The following JAZF1 variants were observed in gnomAD, a reference collection of about 807,000 sequenced individuals.
JAZF1 encodes the protein JAZF zinc finger 1, also known as juxtaposed with another zinc finger protein 1.
Under a neutral mutation model 26.4 loss-of-function variants are expected in JAZF1, and 8 were observed. The observed-to-expected ratio is 0.30, with a 90% CI of 0.18 to 0.55. The LOEUF is 0.55. JAZF1 is among the 20% of genes least tolerant of loss of function. The pLI, the probability that JAZF1 is intolerant of heterozygous loss-of-function variation, is 0.94. For missense variants in JAZF1, 199 were observed against 322.0 expected (o/e 0.62, Z 2.92); for synonymous variants, 126 against 122.3 (o/e 1.03, Z -0.20).
intron 3 of JAZF1, among the ~76,000 whole-genome samples, chr7:27,858,646 A>G (rs1402115999): frequency 1.3e-5 from 2 of 152,246 alleles, no homozygotes; most frequent in Non-Finnish European, 2.9e-5. Flanking sequence ...TTCCCTATTT[A>G]ATAAATGCTG....
intron 1 of JAZF1, among the ~76,000 whole-genome samples, chr7:28,154,526 T>A (rs1055421330): frequency 5.3e-5 from 8 of 152,144 alleles, no homozygotes; most frequent in African/African-American, 1.9e-4. Flanking sequence ...ATCAACCAAC[T>A]AACTAACCAA....
intron 2 of JAZF1, among the ~76,000 whole-genome samples, chr7:27,937,646 A>G (rs1470467453): frequency 6.6e-6 from 1 of 152,252 alleles, no homozygotes; most frequent in African/African-American, 2.4e-5. Flanking sequence ...AAATTAAGCA[A>G]TCAGTGTTCC....
intron 3 of JAZF1, among the ~76,000 whole-genome samples, chr7:27,858,946 T>A (rs563365375): frequency 1.3e-5 from 2 of 152,114 alleles, no homozygotes; most frequent in African/African-American, 2.4e-5. Flanking sequence ...ACAGGAAACC[T>A]ACAGAATGGG....
chr7:27,928,677 T>C (rs1036138336), intron 2 of JAZF1, among the ~76,000 whole-genome samples: 1 of 152,206 alleles, frequency 6.6e-6, no homozygotes, highest in African/African-American at 2.4e-5. Context: ...TTCAGCAAAG[T>C]AACGCATGAA....
rs139260114 is a variant in JAZF1, at chr7:27,946,202, T to C, written c.188+45707A>G. Among the ~76,000 whole-genome samples the C allele has an allele frequency of 1.8e-4, 27 of 152,330 alleles. No homozygotes were observed. In the East Asian group the frequency reaches 4.8e-3, roughly 27 times the overall value. On this transcript the variant is annotated intron_variant, in intron 2 of 4. Coordinates refer to ENST00000283928, the MANE Select transcript of JAZF1 (RefSeq NM_175061.4). ...AACTTATGATGGGTTTATCAGGACA[T>C]AACTTCATTATAAATCCAGGAACAT...
Position 28,073,085 on chromosome 7 carries a change from G to A in JAZF1, c.116-81104C>T, listed in dbSNP as rs150702549. ...TAGGTGTTAGCAGTGGGCAATGTGT[G>A]ACCCACAATCTTCCTTTCCCACAAA... On this transcript the variant is annotated intron_variant, in intron 1 of 4. Coordinates refer to ENST00000283928, the MANE Select transcript of JAZF1 (RefSeq NM_175061.4). Among the ~76,000 whole-genome samples the A allele has an allele frequency of 4.9e-4, 74 of 152,272 alleles. No individual in the cohort carries two copies. In the East Asian group the frequency reaches 0.012, roughly 24 times the overall value.
chr7:27,898,946 C>T (rs746566706), intron 2 of JAZF1, among the ~76,000 whole-genome samples: 1 of 152,068 alleles, frequency 6.6e-6, no homozygotes, highest in Non-Finnish European at 1.5e-5. Context: ...GACAACCATA[C>T]ACACACACAC....
rs540011720 is a variant in JAZF1, at chr7:27,840,630, G to C, written c.555+68C>G. On this transcript the variant is annotated intron_variant, in intron 4 of 4. Transcript: ENST00000283928. This position sits in a 1 kb window ranked among gnomAD's most constrained non-coding sequence, Gnocchi z 5.1. Reference sequence around the variant, plus strand: ...ACGCTCGCTTTAAAATCAAGAAAGGGCTGCTGCCTTCCATGAAGCTTGCCC... The same window carrying C: ...ACGCTCGCTTTAAAATCAAGAAAGGCCTGCTGCCTTCCATGAAGCTTGCCC... 1 of 1,509,210 alleles carries C rather than the reference G, an allele frequency of 6.6e-7. No individual in the cohort carries two copies. Among genetic ancestry groups the C allele is most frequent in the Non-Finnish European group, 9.1e-7 (1 of 1,096,810 alleles). 93.5% of individuals were successfully genotyped at this position (1,509,210 alleles called of 1,614,324 possible).
chr7:27,856,915 T>C (rs1340610247), intron 3 of JAZF1, among the ~76,000 whole-genome samples: 1 of 152,226 alleles, frequency 6.6e-6, no homozygotes, highest in African/African-American at 2.4e-5. Context: ...AAGTGCTGAC[T>C]GGTGTATTTA....
At chr7:27,964,265 T>G (rs1015861274) in intron 2 of JAZF1, among the ~76,000 whole-genome samples, 10 of 151,688 alleles carry the variant, frequency 6.6e-5, no homozygotes, top group Non-Finnish European at 1.0e-4. Flanking sequence ...AAAGATCCAT[T>G]AGGTGGATCT....
intron 1 of JAZF1, among the ~76,000 whole-genome samples, chr7:28,037,812 C>T (rs1783319528): frequency 6.6e-6 from 1 of 152,168 alleles, no homozygotes; most frequent in South Asian, 2.1e-4. Flanking sequence ...AGGACACCCC[C>T]AGCAACAAGG....
intron 1 of JAZF1, among the ~76,000 whole-genome samples, chr7:28,052,369 G>T (rs938071265): frequency 6.6e-6 from 1 of 152,118 alleles, no homozygotes; most frequent in Non-Finnish European, 1.5e-5. Context: ...CATTTTATTT[G>T]AGTTTCTGGA....
intron 2 of JAZF1, among the ~76,000 whole-genome samples, chr7:27,924,996 T>C (rs1284768048): frequency 6.6e-6 from 1 of 152,240 alleles, no homozygotes; most frequent in Non-Finnish European, 1.5e-5. Flanking sequence ...AAAATAGGGT[T>C]ATTCCCTTTA....
chr7:27,862,264 G>GT (rs1435912598), intron 3 of JAZF1, among the ~76,000 whole-genome samples: 1 of 152,018 alleles, frequency 6.6e-6, no homozygotes, highest in Non-Finnish European at 1.5e-5. Flanking sequence ...TTTGTATATT[G>GT]TGTGATGCTG....
chr7:28,086,094 A>G (rs1175721777), intron 1 of JAZF1, among the ~76,000 whole-genome samples: 2 of 152,106 alleles, frequency 1.3e-5, no homozygotes, highest in Non-Finnish European at 2.9e-5. Context: ...AGAATATTCC[A>G]CTCCTAAATT....
chr7:27,992,608 T>C (rs1785927129), intron 1 of JAZF1, among the ~76,000 whole-genome samples: 1 of 152,184 alleles, frequency 6.6e-6, no homozygotes, highest in Non-Finnish European at 1.5e-5. Flanking sequence ...ATAGCAACGC[T>C]TTATAATGGT....
At position 27,832,051 on chromosome 7, in the gene JAZF1, C is replaced by CA. The variant is rs1171178230; in HGVS notation, c.*748dup. ...AGGCATAAATTGAATCCCTTGTACC[C>CA]AGCAGGCACTCAATCAATGTGTGTT... is the stretch of plus-strand genomic sequence containing the variant. On this transcript the variant is annotated 3_prime_UTR_variant, in exon 5 of 5. Coordinates refer to ENST00000283928, the MANE Select transcript of JAZF1 (RefSeq NM_175061.4). 4.7e-6 allele frequency: 1 copy of CA among 214,072 alleles called. No homozygotes were observed. Among genetic ancestry groups the CA allele is most frequent in the African/African-American group, 2.3e-5 (1 of 44,244 alleles). The allele number at this position is 214,072 out of a possible 1,614,324, so 13.3% of individuals were successfully genotyped here. A position where few individuals can be genotyped will look rare whatever the true frequency, so the allele number is the denominator to read the frequency against.
At position 27,881,778 on chromosome 7, in the gene JAZF1, G is replaced by A. The variant is rs1583445722; in HGVS notation, c.385+13442C>T. On this transcript the variant is annotated intron_variant, in intron 3 of 4. Transcript: ENST00000283928. ...GGATGCACCAACAGAAATGCATATC[G>A]AGGGCCTTTCCACCCCTGAATTTAA... 3.9e-5 allele frequency among the ~76,000 whole-genome samples: 6 copies of A among 152,212 alleles called. No individual in the cohort carries two copies. In the South Asian group the frequency reaches 8.3e-4, roughly 21 times the overall value.
At chr7:28,146,756 T>C (rs538721963) in intron 1 of JAZF1, among the ~76,000 whole-genome samples, 1 of 152,334 alleles carries the variant, frequency 6.6e-6, no homozygotes, top group East Asian at 1.9e-4. Context: ...CTGTTCTTGC[T>C]TTTAATCTAC....
Sources: allele counts gnomAD v4.1 joint callset (sites outside exome capture counted in the v4.1 genomes callset), GRCh38; gene constraint gnomAD v4.1.1; non-coding constraint Gnocchi (gnomAD v3.1); transcripts MANE v1.5; gene names NCBI Gene and HGNC (gene_info 2026-07-23, HGNC 2026-07-21).